SLC14A2: variants seen among roughly 807,000 people sequenced by gnomAD.
The protein encoded by SLC14A2 is urea transporter 2.
A neutral mutation model predicts 104.6 loss-of-function variants in SLC14A2; 91 were observed. That is an observed-to-expected ratio of 0.87 (90% CI 0.73 to 1.04). The LOEUF (loss-of-function observed/expected upper bound fraction) is 1.04. Among genes scored for constraint, SLC14A2 ranks in the 50% least tolerant of loss-of-function variants. The probability of loss-of-function intolerance (pLI) is 0.00; values close to 1 mark genes in which losing one functional copy is unlikely to be tolerated. For missense variants in SLC14A2, 1,189 were observed against 1,156.0 expected (o/e 1.03, Z -0.41); for synonymous variants, 476 against 466.4 (o/e 1.02, Z -0.27).
chr18:45,211,345 G>T (rs1446640109), upstream of SLC14A2, among the ~76,000 whole-genome samples: 2 of 152,094 alleles, frequency 1.3e-5, no homozygotes, highest in Non-Finnish European at 2.9e-5. Flanking sequence ...TTAGCCTATA[G>T]GAAAACTAAC....
chr18:45,666,849 T>A, intron 12 of SLC14A2, 86 bp from the exon 13 acceptor site: 1 of 1,079,352 alleles, frequency 9.3e-7, no homozygotes, highest in Non-Finnish European at 1.4e-6. Flanking sequence ...ACAATCTTAT[T>A]TGGTCCCTGA....
intron 1 of SLC14A2, among the ~76,000 whole-genome samples, chr18:45,375,560 G>C (rs1397461374): frequency 6.6e-6 from 1 of 152,116 alleles, no homozygotes; most frequent in Non-Finnish European, 1.5e-5. Context: ...CAGAATACTC[G>C]GGGAGACTGA....
chr18:45,229,621 A>G (rs2084155087), intron 1 of SLC14A2, among the ~76,000 whole-genome samples: 1 of 152,022 alleles, frequency 6.6e-6, no homozygotes. Context: ...TACTTTTCCT[A>G]CTTGTATCTA....
the SLC14A2 span, among the ~76,000 whole-genome samples, chr18:45,187,204 C>T: frequency 6.6e-6 from 1 of 152,122 alleles, no homozygotes; most frequent in South Asian, 2.1e-4. Context: ...TAAGCAATGA[C>T]CTGTATGGAT....
chr18:45,669,765 G>A (rs1761297617), intron 16 of SLC14A2, among the ~76,000 whole-genome samples: 1 of 152,200 alleles, frequency 6.6e-6, no homozygotes, highest in Admixed American at 6.5e-5. Flanking sequence ...GCCAATTAGG[G>A]AGGAGCAAAG....
intron 2 of SLC14A2, among the ~76,000 whole-genome samples, chr18:45,495,451 A>AG (rs2043078349): frequency 6.6e-6 from 1 of 152,220 alleles, no homozygotes; most frequent in South Asian, 2.1e-4. Flanking sequence ...TCAGCACTGT[A>AG]GACCTCAAAA....
rs1376290113 is a variant in SLC14A2, at chr18:45,672,943, G to A, written c.2273G>A (p.Cys758Tyr). 1.2e-6 allele frequency: 2 copies of A among 1,614,028 alleles called. No homozygotes were observed. Among genetic ancestry groups the A allele is most frequent in the South Asian group, 2.2e-5 (2 of 91,088 alleles). The change falls in exon 17 of 20, where the codon TGT becomes TAT. Residue 758 changes from cysteine to tyrosine, a missense_variant. Transcript: ENST00000255226. ...GTTGGAATTGGCCAAGTGTACGGCT[G>A]TGATAACCCCTGGACTGGAGGCATC... ...IPVGIGQVYG[C>Y]DNPWTGGIFL... is the part of the protein sequence containing the mutation.
the SLC14A2 span, among the ~76,000 whole-genome samples, chr18:45,197,695 A>G: frequency 1.3e-5 from 2 of 152,230 alleles, no homozygotes; most frequent in African/African-American, 2.4e-5. Flanking sequence ...GAGCAGCACT[A>G]CAGAATTGAG....
At chr18:45,196,844 G>A in the SLC14A2 span, among the ~76,000 whole-genome samples, 1 of 152,218 alleles carries the variant, frequency 6.6e-6, no homozygotes, top group Non-Finnish European at 1.5e-5. Context: ...TTGGCGAATA[G>A]AACTAATATC....
At chr18:45,207,236 T>C in the SLC14A2 span, among the ~76,000 whole-genome samples, 1 of 151,772 alleles carries the variant, frequency 6.6e-6, no homozygotes, top group African/African-American at 2.4e-5. Flanking sequence ...TTTGAATGTT[T>C]ATAGATTCTT....
At chr18:45,643,408 T>C (rs1354415638) in intron 9 of SLC14A2, among the ~76,000 whole-genome samples, 2 of 152,160 alleles carry the variant, frequency 1.3e-5, no homozygotes, top group South Asian at 2.1e-4. Context: ...AAGATTGCAA[T>C]GTAACTAGCA....
rs138732488 is a variant in SLC14A2, at chr18:45,669,420, C to A, written c.2151C>A (p.Asn717Lys). ...ACCTGGCAGCCACGGGCCACTACAA[C>A]CTTTTCTTCCCCACAACGCTGCTGC... Reference protein sequence around the residue: ...TLYLAATGHYNLFFPTTLLQP... With the variant: ...TLYLAATGHYKLFFPTTLLQP... The change falls in exon 16 of 20, where the codon AAC (asparagine) becomes AAA (lysine). Residue 717 changes from asparagine (N) to lysine (K), a missense_variant. By Grantham distance (94) the Asn-to-Lys change is moderately conservative. Coordinates refer to ENST00000255226, the MANE Select transcript of SLC14A2 (RefSeq NM_007163.4). 392 of 1,614,040 alleles carry A rather than the reference C, an allele frequency of 2.4e-4. No individual in the cohort carries two copies. The highest frequency in any genetic ancestry group is 3.1e-4 in the Non-Finnish European group (367 of 1,180,018).
At chr18:45,348,933 C>T (rs746696413) in intron 1 of SLC14A2, among the ~76,000 whole-genome samples, 1 of 152,196 alleles carries the variant, frequency 6.6e-6, no homozygotes, top group South Asian at 2.1e-4. Context: ...TTGAAATCAG[C>T]AGTAGTTGAC....
intron 1 of SLC14A2, among the ~76,000 whole-genome samples, chr18:45,276,058 A>G: frequency 6.6e-6 from 1 of 152,246 alleles, no homozygotes; most frequent in East Asian, 1.9e-4. Context: ...AGTGCTGCAG[A>G]CAGCTGCAAC....
rs557606934 is a variant in SLC14A2, at chr18:45,636,934, A to G, written c.651-56A>G. The G allele has an allele frequency of 9.8e-5, 140 of 1,422,264 alleles. No individual in the cohort carries two copies. In the Admixed American group the frequency reaches 1.2e-3, roughly 12 times the overall value. 88.1% of individuals were successfully genotyped at this position (1,422,264 alleles called of 1,614,324 possible). On this transcript the variant is annotated intron_variant, in intron 5 of 19. Transcript: ENST00000255226. Reference sequence around the variant, plus strand: ...TGATACAGTGGCCAGAGCTGCTGAGACAATGTAGACCTCAGGATGTCACAG... The same window carrying G: ...TGATACAGTGGCCAGAGCTGCTGAGGCAATGTAGACCTCAGGATGTCACAG...
chr18:45,320,824 C>T (rs1353274564), intron 1 of SLC14A2, among the ~76,000 whole-genome samples: 1 of 152,224 alleles, frequency 6.6e-6, no homozygotes, highest in Non-Finnish European at 1.5e-5. Flanking sequence ...GGTCAGGATA[C>T]ATCGCTACAA....
chr18:45,622,527 G>A lies in SLC14A2; in HGVS notation c.-34-2104G>A, dbSNP rs768362358. Among the ~76,000 whole-genome samples, 56 of 152,290 alleles carry A rather than the reference G, an allele frequency of 3.7e-4. No homozygotes were observed. In the Middle Eastern group the frequency reaches 0.024, roughly 65 times the overall value. ...ACTGGGCTGGAAATGTGAGTTTTGA[G>A]GGTCATCGGCAGGGAGATGGAATAC... On this transcript the variant is annotated intron_variant, in intron 1 of 19. Coordinates refer to ENST00000255226, the MANE Select transcript of SLC14A2 (RefSeq NM_007163.4).
At chr18:45,529,042 G>A (rs952688202) in intron 2 of SLC14A2, 1 of 152,250 alleles carries the variant, frequency 6.6e-6, no homozygotes, top group African/African-American at 2.4e-5. Flanking sequence ...GTAAAATCAA[G>A]ACACCTTCCA....
chr18:45,638,165 A>G (rs2045455085), intron 6 of SLC14A2, among the ~76,000 whole-genome samples: 1 of 152,208 alleles, frequency 6.6e-6, no homozygotes, highest in Admixed American at 6.5e-5. Flanking sequence ...TATTTATTAA[A>G]TAGACTTCCA....
Sources: allele counts gnomAD v4.1 joint callset (sites outside exome capture counted in the v4.1 genomes callset), GRCh38; gene constraint gnomAD v4.1.1; transcripts MANE v1.5; gene names NCBI Gene and HGNC (gene_info 2026-07-23, HGNC 2026-07-21).